Variants in SIGLEC9 observed in about 807,000 individuals in gnomAD.
SIGLEC9 encodes the protein sialic acid binding Ig like lectin 9.
A neutral mutation model predicts 38.3 loss-of-function variants in SIGLEC9; 26 were observed. The observed-to-expected ratio is 0.68, with a 90% CI of 0.50 to 0.94. The LOEUF (loss-of-function observed/expected upper bound fraction) is 0.94, where lower values mean the gene tolerates loss of function less well. Ranked by LOEUF, SIGLEC9 falls within the 40% of genes least tolerant of loss-of-function variation. The probability of loss-of-function intolerance (pLI) is 0.00; values close to 1 mark genes in which losing one functional copy is unlikely to be tolerated. For missense variants in SIGLEC9, 556 were observed against 585.7 expected, an observed-to-expected ratio of 0.95 and a Z score of 0.52; for synonymous variants, 236 against 248.0, an observed-to-expected ratio of 0.95 and a Z score of 0.45.
intron 1 of SIGLEC9, 53 bp from the exon 2 acceptor site, chr19:51,125,544 G>A: frequency 6.3e-7 from 1 of 1,599,946 alleles, no homozygotes; most frequent in Non-Finnish European, 8.5e-7. Context: ...GCTCCCCCCA[G>A]GGCTGCACCA....
Position 51,124,990 on chromosome 19 carries a change from C to G in SIGLEC9, c.16C>G (p.Leu6Val), listed in dbSNP as rs2091966156. The change falls in exon 1 of 7, where the codon CTG (leucine) becomes GTG (valine). Residue 6 changes from leucine (L) to valine (V), a missense_variant. Transcript: ENST00000250360. ...AACCCCAGACATGCTGCTGCTGCTGCTGCCCCTGCTCTGGGGGAGGGAGAG... is the reference window on the plus strand; with the variant it reads ...AACCCCAGACATGCTGCTGCTGCTGGTGCCCCTGCTCTGGGGGAGGGAGAG... MLLLLLPLLWGRERAE... is the reference protein window; with the variant it reads MLLLLVPLLWGRERAE... 2 of 1,606,866 alleles carry G rather than the reference C, an allele frequency of 1.2e-6. No homozygotes were observed. The highest frequency in any genetic ancestry group is 2.7e-5 in the African/African-American group (2 of 74,874).
downstream of SIGLEC9, among the ~76,000 whole-genome samples, chr19:51,134,271 A>C (rs1156737272): frequency 7.1e-6 from 1 of 140,962 alleles, no homozygotes; most frequent in Non-Finnish European, 1.5e-5. Context: ...CAGCCTCCTG[A>C]GTAGCTGGGA....
At chr19:51,132,643 T>TGCC (rs766496913), downstream of SIGLEC9, among the ~76,000 whole-genome samples, 4 of 152,234 alleles carry the variant, frequency 2.6e-5, no homozygotes, top group East Asian at 1.9e-4. Context: ...GAGATGCTGC[T>TGCC]GCCGCCGCAT....
chr19:51,125,831 G>A lies in SIGLEC9; in HGVS notation c.656G>A (p.Gly219Glu), dbSNP rs1434195510. ...TSLTCQVTFP[G>E]ASVTTNKTVH... is the part of the protein sequence containing the mutation. ...CTCACCTGTCAGGTGACCTTCCCTG[G>A]GGCCAGCGTGACCACGAACAAGACC... is the stretch of plus-strand genomic sequence containing the variant. The change falls in exon 2 of 7, where the codon GGG becomes GAG. Residue 219 changes from glycine to glutamate, a missense_variant. Coordinates refer to ENST00000250360, the MANE Select transcript of SIGLEC9 (RefSeq NM_014441.3). 3 of 1,614,124 alleles carry A rather than the reference G, an allele frequency of 1.9e-6. No individual in the cohort carries two copies. Among genetic ancestry groups the A allele is most frequent in the Non-Finnish European group, 2.5e-6 (3 of 1,180,030 alleles).
chr19:51,128,054 T>C lies in SIGLEC9; in HGVS notation c.1106+15T>C, dbSNP rs1247615277. 3.7e-6 allele frequency: 6 copies of C among 1,600,974 alleles called. No individual in the cohort carries two copies. The highest frequency in any genetic ancestry group is 3.3e-5 in the Admixed American group (2 of 59,708). ...ATCTTCGTTGTGTAAGCATGGACCC[T>C]AGAGAGGGAGGGAGGGAGAGCCCTG... On this transcript the variant is annotated intron_variant, in intron 5 of 6. Transcript: ENST00000250360.
At chr19:51,133,441 C>A (rs2092027560), downstream of SIGLEC9, among the ~76,000 whole-genome samples, 1 of 148,858 alleles carries the variant, frequency 6.7e-6, no homozygotes, top group South Asian at 2.1e-4. Flanking sequence ...AAAAAATTAG[C>A]TGGGTGTGGT....
At position 51,124,947 on chromosome 19, in the gene SIGLEC9, C is replaced by G. The variant is rs767209954; in HGVS notation, c.-28C>G. ...GAACCCTGAGGAACAGACGTTCCCTCGCGGCCCTGGCACCTCTAACCCCAG... is the reference window on the plus strand; with the variant it reads ...GAACCCTGAGGAACAGACGTTCCCTGGCGGCCCTGGCACCTCTAACCCCAG... On this transcript the variant is annotated 5_prime_UTR_variant, in exon 1 of 7. Transcript: ENST00000250360. The G allele has an allele frequency of 1.3e-6, 2 of 1,577,082 alleles. No individual in the cohort carries two copies. The highest frequency in any genetic ancestry group is 8.6e-7 in the Non-Finnish European group (1 of 1,161,096).
At chr19:51,120,902 G>A (rs994317671), upstream of SIGLEC9, 2 of 150,958 alleles carry the variant, frequency 1.3e-5, no homozygotes, top group African/African-American at 4.9e-5. This position sits in a 1 kb window ranked among gnomAD's most constrained non-coding sequence, Gnocchi z 4.1. Context: ...CTTGAGTGCA[G>A]TGGCGCAATC....
downstream of SIGLEC9, among the ~76,000 whole-genome samples, chr19:51,133,825 A>C (rs1200652642): frequency 1.3e-5 from 2 of 152,194 alleles, no homozygotes; most frequent in Admixed American, 1.3e-4. Flanking sequence ...AAAATAATAT[A>C]AAAATCTAAG....
At position 51,125,737 on chromosome 19, in the gene SIGLEC9, C is replaced by T. The variant is rs1555795851; in HGVS notation, c.562C>T (p.Leu188=). The T allele has an allele frequency of 1.2e-6, 2 of 1,614,068 alleles. No homozygotes were observed. The highest frequency in any genetic ancestry group is 1.7e-6 in the Non-Finnish European group (2 of 1,179,958). ...ISWIGTSVSP[L]DPSTTRSSVL... is the part of the protein sequence containing the mutation. ...CTGGATAGGGACCTCCGTGTCCCCC[C>T]TGGACCCCTCCACCACCCGCTCCTC... Residue 188 remains leucine (L), a synonymous_variant, in exon 2 of 7, where the codon CTG becomes TTG. Transcript: ENST00000250360.
downstream of SIGLEC9, among the ~76,000 whole-genome samples, chr19:51,131,309 C>T (rs1003328274): frequency 2.6e-5 from 4 of 152,192 alleles, no homozygotes; most frequent in Admixed American, 6.5e-5. Context: ...AAATCATGGC[C>T]GGGCACAGTG....
At position 51,125,640 on chromosome 19, in the gene SIGLEC9, G is replaced by A. The variant is rs1394876239; in HGVS notation, c.465G>A (p.Glu155=). The change falls in exon 2 of 7, where the codon GAG becomes GAA. Residue 155 remains glutamate (E), a synonymous_variant. Transcript: ENST00000250360. ...ACATCCTCATCCCAGGCACCCTGGA[G>A]TCCGGCTGCCCCCAGAATCTGACCT... ...RPNILIPGTL[E]SGCPQNLTCS... is the part of the protein sequence containing the mutation. 10 of 1,613,196 alleles carry A rather than the reference G, an allele frequency of 6.2e-6. No individual in the cohort carries two copies. The highest frequency in any genetic ancestry group is 8.5e-6 in the Non-Finnish European group (10 of 1,179,982).
chr19:51,129,160 T>C (rs1341724883), intron 6 of SIGLEC9, among the ~76,000 whole-genome samples: 1 of 134,308 alleles, frequency 7.4e-6, no homozygotes, highest in East Asian at 2.0e-4. Context: ...TTTTTTTTTT[T>C]TGTTGTTGTT....
At chr19:51,122,340 T>C (rs1315116978), upstream of SIGLEC9, among the ~76,000 whole-genome samples, 1 of 152,108 alleles carries the variant, frequency 6.6e-6, no homozygotes, top group African/African-American at 2.4e-5. The surrounding 1 kb of genome is among the most constrained non-coding windows in gnomAD (Gnocchi z 4.1). Context: ...GCCAGCACTT[T>C]GGGAGGCTGA....
chr19:51,129,365 T>C (rs945869941), intron 6 of SIGLEC9, among the ~76,000 whole-genome samples: 2 of 151,928 alleles, frequency 1.3e-5, no homozygotes, highest in African/African-American at 2.4e-5. Flanking sequence ...TTCACTGTGT[T>C]AGCCAGGATG....
chr19:51,123,745 TG>T (rs957227290), upstream of SIGLEC9, among the ~76,000 whole-genome samples: 8 of 152,230 alleles, frequency 5.3e-5, no homozygotes, highest in Admixed American at 3.3e-4. Flanking sequence ...GATTTTTTCT[TG>T]GGGGGAAGAC....
chr19:51,134,818 G>A (rs1282255522), downstream of SIGLEC9, among the ~76,000 whole-genome samples: 1 of 152,194 alleles, frequency 6.6e-6, no homozygotes, highest in African/African-American at 2.4e-5. Context: ...TAGGTGTAAT[G>A]TTAAGTTGCT....
At chr19:51,121,114 G>C (rs10405221), upstream of SIGLEC9, among the ~76,000 whole-genome samples, 2 of 151,874 alleles carry the variant, frequency 1.3e-5, no homozygotes. Flanking sequence ...CAAAGTGTTG[G>C]GATTACAGGC....
At chr19:51,129,746 A>G in intron 6 of SIGLEC9, 145 bp from the exon 7 acceptor site, 1 of 605,762 alleles carries the variant, frequency 1.7e-6, no homozygotes, top group South Asian at 2.2e-5. Flanking sequence ...ACAGGGTTTC[A>G]CCATGTTGGC....
Sources: allele counts gnomAD v4.1 joint callset (sites outside exome capture counted in the v4.1 genomes callset), GRCh38; gene constraint gnomAD v4.1.1; non-coding constraint Gnocchi (gnomAD v3.1); transcripts MANE v1.5; gene names NCBI Gene and HGNC (gene_info 2026-07-23, HGNC 2026-07-21).